SLC22A8: variants seen among roughly 807,000 people sequenced by gnomAD.
SLC22A8 encodes the protein organic anion transporter 3.
Under a neutral mutation model 48.4 loss-of-function variants are expected in SLC22A8, and 40 were observed. That is an observed-to-expected ratio of 0.83 (90% CI 0.64 to 1.08). The LOEUF (loss-of-function observed/expected upper bound fraction) is 1.08, where lower values mean the gene tolerates loss of function less well. SLC22A8 is among the 50% of genes least tolerant of loss of function. The pLI is 0.00. For synonymous variants in SLC22A8, 268 were observed against 286.3 expected (o/e 0.94, Z 0.65); for missense variants, 606 against 699.0 (o/e 0.87, Z 1.50).
At position 63,014,807 on chromosome 11, in the gene SLC22A8, G is replaced by A. The variant is rs761564053; in HGVS notation, c.152C>T (p.Pro51Leu). The change falls in exon 2 of 11, where the codon CCG (proline) becomes CTG (leucine). Residue 51 changes from proline (P) to leucine (L), a missense_variant. By Grantham distance (98) the Pro-to-Leu change is moderately conservative. Coordinates refer to ENST00000336232, the MANE Select transcript of SLC22A8 (RefSeq NM_004254.4). ...TAATPVHHCRPPHNASTGPWV... is the reference protein window; with the variant it reads ...TAATPVHHCRLPHNASTGPWV... The stretch of plus-strand genomic sequence containing the variant: ...AGGCCCTGTGGAGGCATTGTGGGGC[G>A]GGCGACAGTGGTGGACAGGGGTGGC... 1.4e-5 allele frequency: 23 copies of A among 1,612,896 alleles called. No individual in the cohort carries two copies. In the East Asian group the frequency reaches 3.1e-4, roughly 22 times the overall value.
intron 4 of SLC22A8, chr11:62,999,476 A>G (rs746755371): frequency 8.6e-5 from 41 of 475,716 alleles, no homozygotes; most frequent in Non-Finnish European, 1.5e-4. Flanking sequence ...GCAGAGTGTC[A>G]GGTCCAGGGT....
intron 2 of SLC22A8, among the ~76,000 whole-genome samples, chr11:63,004,291 C>T (rs1169431138): frequency 1.3e-5 from 2 of 152,196 alleles, no homozygotes; most frequent in Non-Finnish European, 2.9e-5. Context: ...CTGTTTAGAA[C>T]ATGCCTGAAT....
At chr11:63,013,751 C>T (rs954794035) in intron 2 of SLC22A8, among the ~76,000 whole-genome samples, 11 of 152,156 alleles carry the variant, frequency 7.2e-5, no homozygotes, top group South Asian at 2.1e-4. Flanking sequence ...TCACCTTCAA[C>T]GGAGCATCAC....
chr11:63,008,610 G>A (rs1286323694), intron 2 of SLC22A8, among the ~76,000 whole-genome samples: 2 of 152,118 alleles, frequency 1.3e-5, no homozygotes, highest in Non-Finnish European at 2.9e-5. Flanking sequence ...ACATAGGAAT[G>A]AAAAGCACCC....
chr11:62,997,927 T>G (rs1360954048), intron 5 of SLC22A8, among the ~76,000 whole-genome samples: 1 of 152,184 alleles, frequency 6.6e-6, no homozygotes, highest in African/African-American at 2.4e-5. Context: ...CCTGAGCGCC[T>G]GTGGGATTTC....
At position 63,014,948 on chromosome 11, in the gene SLC22A8, GAGA is replaced by G; in HGVS notation, c.8_10del (p.Phe3del). On this transcript the variant is annotated inframe_deletion, in exon 2 of 11. Coordinates refer to ENST00000336232, the MANE Select transcript of SLC22A8 (RefSeq NM_004254.4). Reference sequence around the variant, plus strand: ...GCTTCCCACACGGTCCAGGATCTCCGAGAAGGTCATGGCACTGGGGCAAGACGA... The same window carrying G: ...GCTTCCCACACGGTCCAGGATCTCCGAGGTCATGGCACTGGGGCAAGACGA... 6.5e-7 allele frequency: 1 copy of G among 1,548,858 alleles called. No individual in the cohort carries two copies. The highest frequency in any genetic ancestry group is 8.8e-7 in the Non-Finnish European group (1 of 1,142,132).
intron 2 of SLC22A8, among the ~76,000 whole-genome samples, chr11:63,008,528 A>G (rs2086581749): frequency 6.6e-6 from 1 of 152,070 alleles, no homozygotes; most frequent in Non-Finnish European, 1.5e-5. Context: ...CCAATTACTT[A>G]ACCTCCGTGT....
At chr11:62,997,705 G>T (rs1370601056) in intron 5 of SLC22A8, among the ~76,000 whole-genome samples, 3 of 152,166 alleles carry the variant, frequency 2.0e-5, no homozygotes, top group Non-Finnish European at 2.9e-5. Context: ...CCGAGCTGAG[G>T]TTCCATCCCA....
chr11:63,001,151 A>G (rs540144455), intron 2 of SLC22A8, among the ~76,000 whole-genome samples: 62 of 151,918 alleles, frequency 4.1e-4, no homozygotes, highest in African/African-American at 1.3e-3. Flanking sequence ...TGCCCCTCAC[A>G]TAGCCCAGGC....
chr11:63,012,420 G>T (rs1349267100), intron 2 of SLC22A8, among the ~76,000 whole-genome samples: 14 of 152,058 alleles, frequency 9.2e-5, no homozygotes, highest in African/African-American at 3.4e-4. Context: ...TACTGCGCCC[G>T]GCCTTTCTTC....
chr11:63,015,404 G>A (rs2086663192), intron 1 of SLC22A8, among the ~76,000 whole-genome samples: 1 of 152,224 alleles, frequency 6.6e-6, no homozygotes, highest in Non-Finnish European at 1.5e-5. Flanking sequence ...AGGACACGTA[G>A]CAGGGACCAA....
At chr11:63,000,641 C>T (rs4149182) in intron 3 of SLC22A8, 79 bp downstream of exon 3, 16 of 1,020,398 alleles carry the variant, frequency 1.6e-5, no homozygotes, top group Admixed American at 5.5e-5. Context: ...TGCCTCTTTG[C>T]GGGTGCACGG....
In SLC22A8 at chr11:62,993,176, C is replaced by G. The variant is rs907408210; in HGVS notation, c.*61G>C. Reference sequence around the variant, plus strand: ...TGGACCTATATGGGGCCTCCCTATACTCCTAAGGTGCCTGGCTAGGATCAG... The same window carrying G: ...TGGACCTATATGGGGCCTCCCTATAGTCCTAAGGTGCCTGGCTAGGATCAG... On this transcript the variant is annotated 3_prime_UTR_variant, in exon 11 of 11. Coordinates refer to ENST00000336232, the MANE Select transcript of SLC22A8 (RefSeq NM_004254.4). 4.4e-6 allele frequency: 6 copies of G among 1,356,086 alleles called. No homozygotes were observed. Among genetic ancestry groups the G allele is most frequent in the Non-Finnish European group, 6.2e-6 (6 of 968,516 alleles). The allele number at this position is 1,356,086 out of a possible 1,614,324, so 84.0% of individuals were successfully genotyped here. A position where few individuals can be genotyped will look rare whatever the true frequency, so the allele number is the denominator to read the frequency against.
At chr11:63,010,769 C>T (rs1431697797) in intron 2 of SLC22A8, among the ~76,000 whole-genome samples, 1 of 151,390 alleles carries the variant, frequency 6.6e-6, no homozygotes, top group Non-Finnish European at 1.5e-5. Flanking sequence ...TTCACACTAT[C>T]TCAGCTGCTG....
At chr11:62,995,591 G>T in intron 7 of SLC22A8, 113 bp downstream of exon 7, 2 of 750,940 alleles carry the variant, frequency 2.7e-6, no homozygotes, top group Non-Finnish European at 2.3e-6. Context: ...CAGGAGAGGG[G>T]ATTCTCTGAC....
At chr11:63,004,080 G>A (rs1298929368) in intron 2 of SLC22A8, among the ~76,000 whole-genome samples, 6 of 152,198 alleles carry the variant, frequency 3.9e-5, no homozygotes, top group African/African-American at 1.4e-4. Context: ...TTTGGATCAT[G>A]AGAAGGTCAA....
intron 2 of SLC22A8, among the ~76,000 whole-genome samples, chr11:63,001,690 T>A (rs2086497135): frequency 1.3e-5 from 2 of 152,222 alleles, no homozygotes; most frequent in Non-Finnish European, 2.9e-5. Flanking sequence ...CCCCAGGCGA[T>A]GCCATCTGTT....
At chr11:63,003,083 G>A (rs921443790) in intron 2 of SLC22A8, among the ~76,000 whole-genome samples, 16 of 152,072 alleles carry the variant, frequency 1.1e-4, no homozygotes, top group African/African-American at 3.6e-4. Context: ...TTGCCCTTTC[G>A]GTAAAGATAA....
At chr11:63,002,628 T>C (rs530486518) in intron 2 of SLC22A8, among the ~76,000 whole-genome samples, 1 of 152,306 alleles carries the variant, frequency 6.6e-6, no homozygotes, top group East Asian at 1.9e-4. Context: ...AATGAGATCA[T>C]GCTGATAACC....
Sources: gnomAD v4.1 joint callset for allele counts (sites outside exome capture counted in the v4.1 genomes callset) on GRCh38, gnomAD v4.1.1 for gene constraint, MANE v1.5 for transcripts, NCBI Gene and HGNC (gene_info 2026-07-23, HGNC 2026-07-21) for gene names.